SDC4: variants seen among roughly 807,000 people sequenced by gnomAD.
The protein encoded by SDC4 is syndecan-4.
In SDC4, 17 loss-of-function variants were observed where a neutral mutation model predicts 20.5. The observed-to-expected ratio is 0.83, with a 90% CI of 0.57 to 1.25. SDC4 has a LOEUF of 1.25. SDC4 is among the 50% of genes most tolerant of loss of function. The pLI is 0.00. For synonymous variants in SDC4, 107 were observed against 105.3 expected (o/e 1.02, Z -0.10); for missense variants, 241 against 252.3 (o/e 0.96, Z 0.30).
rs761980384 is a variant in SDC4 at position 45,333,061 on chromosome 20, C to G, written c.208G>C (p.Glu70Gln). Residue 70 changes from glutamate to glutamine, a missense_variant, in exon 3 of 5, where the codon GAA becomes CAA. By Grantham distance (29) the Glu-to-Gln change is conservative. Transcript: ENST00000372733. ...LSGSGDLDDL[E>Q]DSMIGPEVVH... is the part of the protein sequence containing the mutation. Reference sequence around the variant, plus strand: ...ACTTCAGGGCCGATCATGGAGTCTTCCAAGTCATCTGTAAGGTCAGAATAG... The same window carrying G: ...ACTTCAGGGCCGATCATGGAGTCTTGCAAGTCATCTGTAAGGTCAGAATAG... 1 of 1,614,162 alleles carries G rather than the reference C, an allele frequency of 6.2e-7. No individual in the cohort carries two copies. Among genetic ancestry groups the G allele is most frequent in the Non-Finnish European group, 8.5e-7 (1 of 1,180,012 alleles).
chr20:45,331,715 A>G (rs767046087), intron 3 of SDC4, among the ~76,000 whole-genome samples: 14 of 152,234 alleles, frequency 9.2e-5, no homozygotes, highest in Non-Finnish European at 1.8e-4. Context: ...CATCAGTGCC[A>G]TGGCAATTTA....
At chr20:45,336,358 A>C (rs2145712568) in intron 1 of SDC4, among the ~76,000 whole-genome samples, 1 of 152,332 alleles carries the variant, frequency 6.6e-6, no homozygotes, top group Middle Eastern at 3.4e-3. Context: ...GGTTGCAATA[A>C]GCCAGGATCA....
intron 1 of SDC4, among the ~76,000 whole-genome samples, chr20:45,346,916 G>A (rs1001547856): frequency 6.6e-6 from 1 of 152,142 alleles, no homozygotes; most frequent in Non-Finnish European, 1.5e-5. Flanking sequence ...TGAAAGCCTG[G>A]CTGCCTAAAT....
At chr20:45,330,945 C>A (rs1361750246) in intron 3 of SDC4, among the ~76,000 whole-genome samples, 1 of 152,214 alleles carries the variant, frequency 6.6e-6, no homozygotes, top group Admixed American at 6.5e-5. Flanking sequence ...TCTTCAGAGA[C>A]TACGTGTAAA....
At chr20:45,340,162 G>A (rs956916781) in intron 1 of SDC4, among the ~76,000 whole-genome samples, 9 of 152,262 alleles carry the variant, frequency 5.9e-5, no homozygotes, top group East Asian at 5.8e-4. Flanking sequence ...ATGAAGCTAC[G>A]AAAAGGTCCT....
chr20:45,333,388 G>A (rs555974441), intron 2 of SDC4, among the ~76,000 whole-genome samples: 243 of 152,362 alleles, frequency 1.6e-3, no homozygotes, highest in Non-Finnish European at 2.7e-3. Context: ...GAATTTCAAG[G>A]CCAGGCGCGG....
intron 4 of SDC4, among the ~76,000 whole-genome samples, chr20:45,328,696 T>A (rs1987731633): frequency 6.6e-6 from 1 of 152,174 alleles, no homozygotes; most frequent in South Asian, 2.1e-4. Context: ...AATTCGGTCT[T>A]ACTCGGGCTA....
intron 2 of SDC4, among the ~76,000 whole-genome samples, chr20:45,334,063 C>T (rs778807160): frequency 1.3e-4 from 19 of 151,624 alleles, no homozygotes; most frequent in Non-Finnish European, 2.2e-4. Flanking sequence ...GGTGCCATCT[C>T]GGCTCACTGC....
At chr20:45,334,584 G>A (rs986915213) in intron 2 of SDC4, among the ~76,000 whole-genome samples, 2 of 151,920 alleles carry the variant, frequency 1.3e-5, no homozygotes, top group Admixed American at 1.3e-4. Context: ...TGCCTCCCGG[G>A]TTCAAGCAAT....
At chr20:45,342,900 C>T (rs552260211) in intron 1 of SDC4, among the ~76,000 whole-genome samples, 1 of 152,314 alleles carries the variant, frequency 6.6e-6, no homozygotes, top group South Asian at 2.1e-4. Context: ...GTTAAGAACC[C>T]TCGTCTAGGT....
intron 1 of SDC4, among the ~76,000 whole-genome samples, chr20:45,346,818 C>G (rs1270281711): frequency 1.3e-5 from 2 of 152,214 alleles, no homozygotes; most frequent in South Asian, 2.1e-4. Flanking sequence ...AGCCTAAAAT[C>G]TCAACCTATT....
chr20:45,326,852 G>A lies in SDC4; in HGVS notation c.*412C>T. 6.2e-6 allele frequency: 1 copy of A among 160,118 alleles called. No homozygotes were observed. The highest frequency in any genetic ancestry group is 1.4e-5 in the Non-Finnish European group (1 of 72,546). 9.9% of individuals were successfully genotyped at this position (160,118 alleles called of 1,614,324 possible). A position where few individuals can be genotyped will look rare whatever the true frequency, so the allele number is the denominator to read the frequency against. On this transcript the variant is annotated 3_prime_UTR_variant, in exon 5 of 5. Coordinates refer to ENST00000372733, the MANE Select transcript of SDC4 (RefSeq NM_002999.4). ...CCATTTCCTGGCAGAGAGACCGGCT[G>A]TGAAAGGAAGGGAGGAAGGCCACTG...
chr20:45,326,383 T>TAAAAA lies in SDC4; in HGVS notation c.*876_*880dup, dbSNP rs35186241. On this transcript the variant is annotated 3_prime_UTR_variant, in exon 5 of 5. Coordinates refer to ENST00000372733, the MANE Select transcript of SDC4 (RefSeq NM_002999.4). ...AGGCCCTATCTAAAGCTATAAATAG[T>TAAAAA]AAAAAAAAAAAAAAAAAAAAAAAAT... The TAAAAA allele has an allele frequency of 3.1e-5, 3 of 97,694 alleles. No homozygotes were observed. Among genetic ancestry groups the TAAAAA allele is most frequent in the Non-Finnish European group, 4.1e-5 (2 of 49,022 alleles). The allele number at this position is 97,694 out of a possible 1,614,324, so 6.1% of individuals were successfully genotyped here. A position where few individuals can be genotyped will look rare whatever the true frequency, so the allele number is the denominator to read the frequency against.
At chr20:45,329,687 G>A (rs1162457247) in intron 4 of SDC4, among the ~76,000 whole-genome samples, 2 of 152,220 alleles carry the variant, frequency 1.3e-5, no homozygotes, top group East Asian at 3.8e-4. Flanking sequence ...TTGCCAGGCC[G>A]GTTCATCCAG....
intron 1 of SDC4, chr20:45,345,027 A>G (rs1280950287): frequency 1.3e-5 from 2 of 152,200 alleles, no homozygotes; most frequent in East Asian, 1.9e-4. Context: ...CCGAGCATCA[A>G]TTTCCTGTAA....
chr20:45,333,407 G>A (rs192737272), intron 2 of SDC4, among the ~76,000 whole-genome samples: 34 of 152,350 alleles, frequency 2.2e-4, no homozygotes, highest in African/African-American at 7.7e-4. Flanking sequence ...GGTGGCTCAC[G>A]CCTGTAATCC....
At chr20:45,335,716 C>T (rs781185676) in intron 2 of SDC4, 66 bp downstream of exon 2, 4 of 1,558,364 alleles carry the variant, frequency 2.6e-6, no homozygotes, top group Non-Finnish European at 3.5e-6. Flanking sequence ...TGGTCACCCT[C>T]CTGGCTGGTG....
chr20:45,348,260 G>T, intron 1 of SDC4, 65 bp downstream of exon 1: 1 of 1,238,742 alleles, frequency 8.1e-7, no homozygotes, highest in Non-Finnish European at 1.1e-6. Flanking sequence ...ACGCTCCGAC[G>T]AACAAAGGAG....
rs747704309 is a variant in SDC4 at position 45,330,427 on chromosome 20, C to T, written c.384G>A (p.Lys128=). ...CCTGCACAGTGCTGGACATTGACAC[C>T]TTGTTGGACACATCCTCACTCTCTT... ...PVEESEDVSN[K]VSMSSTVQGS... is the part of the protein sequence containing the mutation. Residue 128 remains lysine (K), a synonymous_variant, in exon 4 of 5, where the codon AAG becomes AAA. Coordinates refer to ENST00000372733, the MANE Select transcript of SDC4 (RefSeq NM_002999.4). The T allele has an allele frequency of 6.2e-7, 1 of 1,614,210 alleles. No homozygotes were observed. The highest frequency in any genetic ancestry group is 8.5e-7 in the Non-Finnish European group (1 of 1,180,036).
Sources: gnomAD v4.1 joint callset for allele counts (sites outside exome capture counted in the v4.1 genomes callset) on GRCh38, gnomAD v4.1.1 for gene constraint, MANE v1.5 for transcripts, NCBI Gene and HGNC (gene_info 2026-07-23, HGNC 2026-07-21) for gene names.